Variants in ZMYM2 observed in about 807,000 individuals in gnomAD.
The protein encoded by ZMYM2 is zinc finger MYM-type protein 2.
A neutral mutation model predicts 162.8 loss-of-function variants in ZMYM2; 56 were observed. That is an observed-to-expected ratio of 0.34 (90% CI 0.28 to 0.43). The LOEUF (loss-of-function observed/expected upper bound fraction) is 0.43. Ranked by LOEUF, ZMYM2 falls within the 20% of genes least tolerant of loss-of-function variation. The pLI, the probability that ZMYM2 is intolerant of heterozygous loss-of-function variation, is 1.00. For synonymous variants in ZMYM2, 510 were observed against 541.6 expected (o/e 0.94, Z 0.81); for missense variants, 1,275 against 1,621.8 (o/e 0.79, Z 3.67).
the ZMYM2 span, among the ~76,000 whole-genome samples, chr13:19,890,051 T>C: frequency 6.6e-6 from 1 of 151,940 alleles, no homozygotes; most frequent in African/African-American, 2.4e-5. Flanking sequence ...TAAAAGGGCA[T>C]GTTAGATTAG....
chr13:19,998,733 ATAGCCCCT>A (rs2139834070), intron 3 of ZMYM2, among the ~76,000 whole-genome samples: 1 of 152,320 alleles, frequency 6.6e-6, no homozygotes, highest in South Asian at 2.1e-4. Context: ...TAAGATCTGA[ATAGCCCCT>A]CGAAACCATT....
chr13:20,046,184 C>T (rs759390622), intron 12 of ZMYM2, among the ~76,000 whole-genome samples: 1 of 151,694 alleles, frequency 6.6e-6, no homozygotes, highest in African/African-American at 2.4e-5. Flanking sequence ...CCCAGGAGTT[C>T]GAGGTGAGCT....
chr13:19,886,897 T>C, the ZMYM2 span, among the ~76,000 whole-genome samples: 2 of 151,154 alleles, frequency 1.3e-5, no homozygotes, highest in Non-Finnish European at 2.9e-5. Flanking sequence ...CTTGGCCTCA[T>C]GTGATGTGCC....
At chr13:20,081,733 CT>C (rs530664139) in intron 21 of ZMYM2, among the ~76,000 whole-genome samples, 4 of 149,040 alleles carry the variant, frequency 2.7e-5, no homozygotes, top group African/African-American at 7.4e-5. Flanking sequence ...GTCAAATATT[CT>C]TTTTTTTTTC....
chr13:19,955,361 C>T (rs1954482541), upstream of ZMYM2, among the ~76,000 whole-genome samples: 1 of 152,070 alleles, frequency 6.6e-6, no homozygotes, highest in African/African-American at 2.4e-5. Context: ...CCCTAAAAAA[C>T]TCTATGAAAG....
chr13:19,879,966 CCT>C, the ZMYM2 span, among the ~76,000 whole-genome samples: 133 of 152,278 alleles, frequency 8.7e-4, no homozygotes, highest in Middle Eastern at 3.4e-3. Flanking sequence ...AGGCATATTT[CCT>C]CTCTTTCTTT....
intron 19 of ZMYM2, chr13:20,066,475 T>C (rs1956684521): frequency 6.3e-6 from 1 of 158,584 alleles, no homozygotes; most frequent in Non-Finnish European, 1.4e-5. Context: ...ACATATTTTA[T>C]ATGCTACATA....
the ZMYM2 span, among the ~76,000 whole-genome samples, chr13:19,940,553 GA>G: frequency 6.6e-6 from 1 of 152,120 alleles, no homozygotes. Flanking sequence ...CAACAACAAT[GA>G]AAAAGTTTGT....
chr13:19,962,773 C>G (rs192494338), intron 2 of ZMYM2, among the ~76,000 whole-genome samples: 66 of 150,822 alleles, frequency 4.4e-4, no homozygotes, highest in African/African-American at 1.6e-3. Context: ...ATTCGCCTGC[C>G]TCAGCCTCCC....
At chr13:19,938,295 T>A in the ZMYM2 span, among the ~76,000 whole-genome samples, 5 of 152,024 alleles carry the variant, frequency 3.3e-5, no homozygotes, top group Non-Finnish European at 5.9e-5. Flanking sequence ...TCACCTGAGG[T>A]CAGGAGTTTG....
At chr13:19,866,084 C>T in the ZMYM2 span, among the ~76,000 whole-genome samples, 2 of 149,598 alleles carry the variant, frequency 1.3e-5, no homozygotes, top group Non-Finnish European at 3.0e-5. Context: ...TGGCCGGGCA[C>T]AATGGCCCAC....
At chr13:19,899,927 G>GA in the ZMYM2 span, among the ~76,000 whole-genome samples, 12 of 148,104 alleles carry the variant, frequency 8.1e-5, no homozygotes, top group South Asian at 8.6e-4. Flanking sequence ...CATTGACTCT[G>GA]AAAAAAAAAG....
upstream of ZMYM2, among the ~76,000 whole-genome samples, chr13:19,957,984 G>T: frequency 6.6e-6 from 1 of 152,254 alleles, no homozygotes; most frequent in East Asian, 1.9e-4. Context: ...CAAGTTTCCC[G>T]GCCCCACGGG....
chr13:19,969,192 G>C (rs1020137494), intron 2 of ZMYM2, among the ~76,000 whole-genome samples: 5 of 152,106 alleles, frequency 3.3e-5, no homozygotes, highest in Non-Finnish European at 5.9e-5. Flanking sequence ...ATCAACAATG[G>C]ACGTATTCAT....
the ZMYM2 span, among the ~76,000 whole-genome samples, chr13:19,896,342 C>A: frequency 6.6e-6 from 1 of 151,160 alleles, no homozygotes; most frequent in Admixed American, 6.6e-5. Context: ...CGGGGTTTCA[C>A]TATGTTGACC....
the ZMYM2 span, among the ~76,000 whole-genome samples, chr13:19,924,932 G>A: frequency 1.4e-5 from 2 of 142,668 alleles, no homozygotes; most frequent in East Asian, 4.1e-4. Context: ...TGCACAGGTT[G>A]GAGTGCAATG....
the ZMYM2 span, among the ~76,000 whole-genome samples, chr13:19,883,075 A>T: frequency 6.6e-6 from 1 of 152,252 alleles, no homozygotes; most frequent in African/African-American, 2.4e-5. Flanking sequence ...GTTAAAAAGT[A>T]ATGAAGTATT....
intron 3 of ZMYM2, among the ~76,000 whole-genome samples, chr13:19,995,579 A>G (rs999951425): frequency 5.3e-5 from 8 of 151,966 alleles, no homozygotes; most frequent in African/African-American, 1.9e-4. Context: ...GGGTTTCACC[A>G]TGTTGGCCAG....
At chr13:19,916,433 T>G in the ZMYM2 span, among the ~76,000 whole-genome samples, 2 of 152,180 alleles carry the variant, frequency 1.3e-5, no homozygotes, top group Non-Finnish European at 1.5e-5. Context: ...TGCGGCATTA[T>G]TCACAATAGC....
Sources: gnomAD v4.1 joint callset for allele counts (sites outside exome capture counted in the v4.1 genomes callset) on GRCh38, gnomAD v4.1.1 for gene constraint, MANE v1.5 for transcripts, NCBI Gene and HGNC (gene_info 2026-07-23, HGNC 2026-07-21) for gene names.